The following FAM124A variants were observed in gnomAD, a reference collection of about 807,000 sequenced individuals.
The protein encoded by FAM124A is protein FAM124A.
In FAM124A, 23 loss-of-function variants were observed where a neutral mutation model predicts 24.5. That is an observed-to-expected ratio of 0.94 (90% CI 0.68 to 1.33). The LOEUF is 1.33. Ranked by LOEUF, FAM124A falls within the 40% of genes most tolerant of loss-of-function variation. The pLI is 0.00. For synonymous variants in FAM124A, 287 were observed against 314.7 expected, an observed-to-expected ratio of 0.91 and a Z score of 0.93; for missense variants, 623 against 722.8, an observed-to-expected ratio of 0.86 and a Z score of 1.58.
intron 3 of FAM124A, among the ~76,000 whole-genome samples, chr13:51,273,312 C>T (rs1348103690): frequency 6.6e-6 from 1 of 152,164 alleles, no homozygotes; most frequent in Non-Finnish European, 1.5e-5. Flanking sequence ...GTTAAACATC[C>T]TCACAGGACA....
At chr13:51,248,635 G>A (rs1308948885) in intron 2 of FAM124A, among the ~76,000 whole-genome samples, 2 of 152,106 alleles carry the variant, frequency 1.3e-5, no homozygotes, top group African/African-American at 2.4e-5. Flanking sequence ...TACTGGGACC[G>A]GTGGGCTCCC....
chr13:51,277,583 A>G (rs1954896549), intron 3 of FAM124A, among the ~76,000 whole-genome samples: 2 of 152,246 alleles, frequency 1.3e-5, no homozygotes, highest in Admixed American at 6.5e-5. Context: ...CCACGAGGTC[A>G]GAAGATTGAG....
chr13:51,260,803 A>G (rs371115229), intron 3 of FAM124A, among the ~76,000 whole-genome samples: 22 of 151,966 alleles, frequency 1.4e-4, no homozygotes, highest in Admixed American at 1.1e-3. Context: ...AGACTTTTGG[A>G]CTCCACCTCC....
chr13:51,246,631 G>T (rs1032928110), intron 2 of FAM124A, among the ~76,000 whole-genome samples: 1 of 152,126 alleles, frequency 6.6e-6, no homozygotes, highest in Non-Finnish European at 1.5e-5. Context: ...TCGTCATCCT[G>T]GCTCGCCTGC....
At chr13:51,230,040 T>C (rs1025523113) in intron 1 of FAM124A, among the ~76,000 whole-genome samples, 1 of 152,148 alleles carries the variant, frequency 6.6e-6, no homozygotes, top group African/African-American at 2.4e-5. Flanking sequence ...GTACAGATAG[T>C]ATCACTTTAA....
intron 2 of FAM124A, among the ~76,000 whole-genome samples, chr13:51,232,080 C>A (rs946402780): frequency 2.0e-5 from 3 of 152,288 alleles, no homozygotes; most frequent in Middle Eastern, 3.4e-3. Flanking sequence ...ATCAATCCAT[C>A]ATCCTGTATT....
At chr13:51,256,543 T>C (rs1397971506) in intron 3 of FAM124A, among the ~76,000 whole-genome samples, 1 of 152,134 alleles carries the variant, frequency 6.6e-6, no homozygotes, top group Non-Finnish European at 1.5e-5. Flanking sequence ...GCTTATCTTC[T>C]GCATGCAGCA....
At chr13:51,231,484 C>G in intron 2 of FAM124A, 105 bp downstream of exon 2, 1 of 1,224,656 alleles carries the variant, frequency 8.2e-7, no homozygotes, top group Non-Finnish European at 1.1e-6. Context: ...TAAGAATCAC[C>G]AAAGCATCTT....
At chr13:51,245,538 G>A (rs910739561) in intron 2 of FAM124A, 1 of 445,344 alleles carries the variant, frequency 2.2e-6, no homozygotes, top group Admixed American at 4.1e-5. Flanking sequence ...AATGATTTGG[G>A]GGCTGCTTTT....
intron 3 of FAM124A, among the ~76,000 whole-genome samples, chr13:51,263,039 C>T (rs1954752584): frequency 6.6e-6 from 1 of 152,172 alleles, no homozygotes; most frequent in Non-Finnish European, 1.5e-5. Context: ...AGGCTACGGG[C>T]CCTTAGTGGG....
chr13:51,270,735 G>A (rs187839469), intron 3 of FAM124A, among the ~76,000 whole-genome samples: 12 of 152,312 alleles, frequency 7.9e-5, no homozygotes, highest in Admixed American at 2.0e-4. Flanking sequence ...TGGCCATGAC[G>A]TCCATGTATT....
intron 2 of FAM124A, among the ~76,000 whole-genome samples, chr13:51,236,111 T>C (rs1954432620): frequency 6.6e-6 from 1 of 152,224 alleles, no homozygotes; most frequent in Non-Finnish European, 1.5e-5. Context: ...GTGTCTGAAC[T>C]GCCCTCGAAG....
intron 2 of FAM124A, among the ~76,000 whole-genome samples, chr13:51,242,501 C>T (rs1367624722): frequency 6.6e-6 from 1 of 152,168 alleles, no homozygotes; most frequent in African/African-American, 2.4e-5. Context: ...TGCAGTTATA[C>T]CTCCTCAAAC....
intron 3 of FAM124A, among the ~76,000 whole-genome samples, chr13:51,271,071 T>C (rs908877167): frequency 6.6e-6 from 1 of 152,226 alleles, no homozygotes; most frequent in Non-Finnish European, 1.5e-5. Flanking sequence ...ATTATCCATA[T>C]CATTTTCCAG....
chr13:51,227,052 ATTG>A (rs1238544375), intron 1 of FAM124A, among the ~76,000 whole-genome samples: 23 of 152,170 alleles, frequency 1.5e-4, no homozygotes, highest in Non-Finnish European at 2.9e-5. Context: ...CTATATTATT[ATTG>A]TTATGAGGAA....
At chr13:51,265,390 G>C (rs1287969627) in intron 3 of FAM124A, among the ~76,000 whole-genome samples, 2 of 151,678 alleles carry the variant, frequency 1.3e-5, no homozygotes, top group East Asian at 2.0e-4. Context: ...AGTGAGAGCT[G>C]AGCAGCTGCA....
rs1166519586 is a variant in FAM124A, at chr13:51,253,787, A to G, written c.834+1586A>G. Among the ~76,000 whole-genome samples the G allele has an allele frequency of 2.0e-5, 3 of 152,258 alleles. No homozygotes were observed. The East Asian group carries it at 5.8e-4, about 29-fold the overall frequency. On this transcript the variant is annotated intron_variant, in intron 3 of 3. Transcript: ENST00000322475. ...GGAAGATCCACATATTTAAATGGCT[A>G]TAAACTCTATACAGGTGCAGGCTTT...
At chr13:51,263,014 G>T (rs1954752319) in intron 3 of FAM124A, among the ~76,000 whole-genome samples, 1 of 152,240 alleles carries the variant, frequency 6.6e-6, no homozygotes, top group Non-Finnish European at 1.5e-5. Context: ...CCCCTGCTGG[G>T]TCAGTGTAGC....
chr13:51,279,383 T>C (rs978538271), intron 3 of FAM124A, among the ~76,000 whole-genome samples: 1 of 152,212 alleles, frequency 6.6e-6, no homozygotes, highest in African/African-American at 2.4e-5. Context: ...CCGAGAGCCC[T>C]TGTAGTAAAC....
Sources: allele counts gnomAD v4.1 joint callset (sites outside exome capture counted in the v4.1 genomes callset), GRCh38; gene constraint gnomAD v4.1.1; transcripts MANE v1.5; gene names NCBI Gene and HGNC (gene_info 2026-07-23, HGNC 2026-07-21).